The following AGTR1 variants were observed in gnomAD, a reference collection of about 807,000 sequenced individuals.
AGTR1 encodes angiotensin II receptor type 1.
In AGTR1, 16 loss-of-function variants were observed where a neutral mutation model predicts 19.4. The ratio of observed to expected loss-of-function variants is 0.82; its 90% CI spans 0.56 to 1.25. The LOEUF is 1.25. Among genes scored for constraint, AGTR1 ranks in the 50% most tolerant of loss-of-function variants. The pLI, the probability that AGTR1 is intolerant of heterozygous loss-of-function variation, is 0.00. For missense variants in AGTR1, 373 were observed against 431.9 expected (o/e 0.86, Z 1.21); for synonymous variants, 153 against 154.9 (o/e 0.99, Z 0.09).
rs1413395918 is a variant in AGTR1, at chr3:148,741,959, A to C, written c.924A>C (p.Lys308Asn). The change falls in exon 3 of 3, where the codon AAA becomes AAC. Residue 308 changes from lysine to asparagine, a missense_variant. Transcript: ENST00000349243. Reference protein sequence around the residue: ...NPLFYGFLGKKFKRYFLQLLK... With the variant: ...NPLFYGFLGKNFKRYFLQLLK... ...TTTTTTATGGCTTTCTGGGGAAAAA[A>C]TTTAAAAGATATTTTCTCCAGCTTC... The C allele has an allele frequency of 6.2e-7, 1 of 1,613,846 alleles. No homozygotes were observed. Among genetic ancestry groups the C allele is most frequent in the South Asian group, 1.1e-5 (1 of 90,990 alleles).
At chr3:148,702,537 T>C (rs986491174) in intron 1 of AGTR1, among the ~76,000 whole-genome samples, 1 of 152,162 alleles carries the variant, frequency 6.6e-6, no homozygotes, top group Non-Finnish European at 1.5e-5. Flanking sequence ...AAGCACATAT[T>C]TTGGCATGGG....
chr3:148,712,152 G>A (rs1713023130), intron 2 of AGTR1, among the ~76,000 whole-genome samples: 1 of 152,078 alleles, frequency 6.6e-6, no homozygotes, highest in Non-Finnish European at 1.5e-5. Flanking sequence ...GGAATCAAGA[G>A]TGCTGTTGTC....
Position 148,713,476 on chromosome 3 carries a change from T to A in AGTR1, c.-48+5449T>A, listed in dbSNP as rs12721324. 5.8e-3 allele frequency among the ~76,000 whole-genome samples: 885 copies of A among 152,252 alleles called. 8 individuals carry two copies. Among genetic ancestry groups the A allele is most frequent in the African/African-American group, 0.021 (857 of 41,548 alleles). ...TATGTATAATTAGTTTTAGTTAACT[T>A]TATTAATGAAATGTCGCAAATCAAT... is the stretch of plus-strand genomic sequence containing the variant. On this transcript the variant is annotated intron_variant, in intron 2 of 2. Coordinates refer to ENST00000349243, the MANE Select transcript of AGTR1 (RefSeq NM_000685.5).
intron 1 of AGTR1, among the ~76,000 whole-genome samples, chr3:148,706,008 T>C (rs1712647769): frequency 1.3e-5 from 2 of 151,950 alleles, no homozygotes; most frequent in Non-Finnish European, 2.9e-5. Flanking sequence ...TCTTAAGAGC[T>C]TTTGAGGATG....
chr3:148,701,109 G>GT (rs1712311836), intron 1 of AGTR1, among the ~76,000 whole-genome samples: 1 of 152,058 alleles, frequency 6.6e-6, no homozygotes, highest in Non-Finnish European at 1.5e-5. Flanking sequence ...GGGACTTAAG[G>GT]TAATATTCAA....
chr3:148,741,055 C>T lies in AGTR1; in HGVS notation c.20C>T (p.Thr7Ile), dbSNP rs1477901393. MILNSS[T>I]EDGIKRIQDD... ...ATCAAAATGATTCTCAACTCTTCTA[C>T]TGAAGATGGTATTAAAAGAATCCAA... The change falls in exon 3 of 3, where the codon ACT (threonine) becomes ATT (isoleucine). Residue 7 changes from threonine (T) to isoleucine (I), a missense_variant. Transcript: ENST00000349243. 1 of 1,613,588 alleles carries T rather than the reference C, an allele frequency of 6.2e-7. No individual in the cohort carries two copies. The highest frequency in any genetic ancestry group is 8.5e-7 in the Non-Finnish European group (1 of 1,179,622).
chr3:148,739,529 CA>C (rs1714757485), intron 2 of AGTR1, among the ~76,000 whole-genome samples: 4 of 151,866 alleles, frequency 2.6e-5, no homozygotes, highest in Admixed American at 2.6e-4. Flanking sequence ...AAGCTGGATG[CA>C]AAAAGGAACA....
At chr3:148,739,590 TACTC>T (rs1366471326) in intron 2 of AGTR1, among the ~76,000 whole-genome samples, 1 of 152,198 alleles carries the variant, frequency 6.6e-6, no homozygotes, top group African/African-American at 2.4e-5. Flanking sequence ...CAACTTTACT[TACTC>T]AGGGAAGGCA....
chr3:148,720,418 A>G (rs555765105), intron 2 of AGTR1, among the ~76,000 whole-genome samples: 81 of 152,350 alleles, frequency 5.3e-4, no homozygotes, highest in African/African-American at 1.8e-3. Flanking sequence ...TTTCAAATCC[A>G]TAATTTTAGA....
At chr3:148,740,122 C>T in intron 2 of AGTR1, among the ~76,000 whole-genome samples, 1 of 152,224 alleles carries the variant, frequency 6.6e-6, no homozygotes, top group Non-Finnish European at 1.5e-5. Flanking sequence ...GCAGCCCATT[C>T]TTGAGCATCT....
intron 2 of AGTR1, among the ~76,000 whole-genome samples, chr3:148,723,755 G>A (rs1314736041): frequency 2.0e-5 from 3 of 152,162 alleles, no homozygotes; most frequent in African/African-American, 7.2e-5. Flanking sequence ...GAGATCAAGG[G>A]TAGACAGTTG....
rs117773608 is a variant in AGTR1 at position 148,712,151 on chromosome 3, A to G, written c.-48+4124A>G. The stretch of plus-strand genomic sequence containing the variant: ...GGAAAGGCTTTTAGCTGGAATCAAG[A>G]GTGCTGTTGTCTTTTCCCTTCAATT... On this transcript the variant is annotated intron_variant, in intron 2 of 2. Transcript: ENST00000349243. Among the ~76,000 whole-genome samples, 274 of 152,202 alleles carry G rather than the reference A, an allele frequency of 1.8e-3. 6 individuals carry two copies. The East Asian group carries it at 0.049, about 27-fold the overall frequency.
At chr3:148,739,705 T>C in intron 2 of AGTR1, 1 of 1,118,626 alleles carries the variant, frequency 8.9e-7, no homozygotes, top group Non-Finnish European at 1.1e-6. Context: ...AAGTGAACAC[T>C]ACTCTAAGAA....
In AGTR1 at chr3:148,712,384, G is replaced by C. The variant is rs556346511; in HGVS notation, c.-48+4357G>C. ...ACTGGGACAACAGGAACAAGGTATT[G>C]CAAGTCCAAAATCCAATCCAAAGCA... is the stretch of plus-strand genomic sequence containing the variant. On this transcript the variant is annotated intron_variant, in intron 2 of 2. Transcript: ENST00000349243. 7.2e-5 allele frequency among the ~76,000 whole-genome samples: 11 copies of C among 152,202 alleles called. No individual in the cohort carries two copies. The East Asian group carries it at 2.1e-3, about 30-fold the overall frequency.
intron 2 of AGTR1, among the ~76,000 whole-genome samples, chr3:148,731,800 T>A (rs551556288): frequency 6.6e-6 from 1 of 152,316 alleles, no homozygotes; most frequent in East Asian, 1.9e-4. Context: ...TCCTCAATTT[T>A]TACAGCATTT....
intron 2 of AGTR1, among the ~76,000 whole-genome samples, chr3:148,715,435 G>C (rs1713241934): frequency 6.6e-6 from 1 of 152,082 alleles, no homozygotes; most frequent in South Asian, 2.1e-4. Context: ...CAATAGATGG[G>C]AGCCAAGGAA....
rs1219761165 is a variant in AGTR1 at position 148,741,151 on chromosome 3, T to C, written c.116T>C (p.Phe39Ser). The C allele has an allele frequency of 6.2e-7, 1 of 1,614,040 alleles. No homozygotes were observed. The highest frequency in any genetic ancestry group is 8.5e-7 in the Non-Finnish European group (1 of 1,180,024). ...ATTCCTACTTTATACAGTATCATCT[T>C]TGTGGTGGGAATATTTGGAAACAGC... ...VMIPTLYSII[F>S]VVGIFGNSLV... Residue 39 changes from phenylalanine (F) to serine (S), a missense_variant, in exon 3 of 3, where the codon TTT becomes TCT. Transcript: ENST00000349243.
At chr3:148,729,994 G>C (rs1379395478) in intron 2 of AGTR1, 1 of 350,626 alleles carries the variant, frequency 2.9e-6, no homozygotes, top group Non-Finnish European at 5.1e-6. Context: ...AATTAAATTA[G>C]CCATTTACAC....
At chr3:148,708,388 T>C (rs1362419310) in intron 2 of AGTR1, among the ~76,000 whole-genome samples, 10 of 152,110 alleles carry the variant, frequency 6.6e-5, no homozygotes, top group Admixed American at 5.9e-4. Flanking sequence ...GATTGTACTC[T>C]CTTGTCAGCT....
Sources: allele counts gnomAD v4.1 joint callset (sites outside exome capture counted in the v4.1 genomes callset), GRCh38; gene constraint gnomAD v4.1.1; transcripts MANE v1.5; gene names NCBI Gene and HGNC (gene_info 2026-07-23, HGNC 2026-07-21).